The following HDAC8 variants were observed in gnomAD, a reference collection of about 807,000 sequenced individuals.
The protein encoded by HDAC8 is histone deacetylase-like 1.
Under a neutral mutation model 32.2 loss-of-function variants are expected in HDAC8, and 1 was observed. The observed-to-expected ratio is 0.03, with a 90% CI of 0.01 to 0.15. HDAC8 has a LOEUF of 0.15. HDAC8 is among the 10% of genes least tolerant of loss of function. The pLI is 1.00. For missense variants in HDAC8, 117 were observed against 300.0 expected (o/e 0.39, Z 4.51); for synonymous variants, 108 against 113.9 (o/e 0.95, Z 0.33).
At chrX:72,509,521 A>G (rs1022996635) in intron 4 of HDAC8, among the ~76,000 whole-genome samples, 2 of 112,214 alleles carry the variant, frequency 1.8e-5, no homozygotes. Flanking sequence ...AAAATATGAT[A>G]TACACATAAA....
At chrX:72,434,856 A>G (rs1555978619) in intron 9 of HDAC8, among the ~76,000 whole-genome samples, 1 of 112,363 alleles carries the variant, frequency 8.9e-6, no homozygotes. Flanking sequence ...TATGGGTGAG[A>G]AAACTGAGGG....
chrX:72,494,865 G>A (rs1424892585), intron 5 of HDAC8, among the ~76,000 whole-genome samples: 1 of 111,285 alleles, frequency 9.0e-6, no homozygotes, highest in Non-Finnish European at 1.9e-5. Flanking sequence ...ACCTGAGGGA[G>A]GTTACTGAGC....
chrX:72,404,023 T>C (rs1308642953), intron 9 of HDAC8, among the ~76,000 whole-genome samples: 5 of 112,094 alleles, frequency 4.5e-5, no homozygotes, highest in African/African-American at 1.6e-4. Context: ...AATTGTTTAA[T>C]GAATAAAATA....
At chrX:72,390,597 A>G (rs782126467) in intron 9 of HDAC8, among the ~76,000 whole-genome samples, 1 of 112,088 alleles carries the variant, frequency 8.9e-6, no homozygotes, top group African/African-American at 3.2e-5. Flanking sequence ...AGAGGATGAA[A>G]GACATTACAT....
chrX:72,394,123 T>A (rs1273335614), intron 9 of HDAC8, among the ~76,000 whole-genome samples: 8 of 111,918 alleles, frequency 7.1e-5, no homozygotes, highest in African/African-American at 2.6e-4. Context: ...AAAGGCTATA[T>A]AAACACAAGG....
rs150915615 is a variant in HDAC8 at position 72,413,963 on chromosome X, T to C, written c.1005+48041A>G. Among the ~76,000 whole-genome samples the C allele has an allele frequency of 4.2e-3, 470 of 112,002 alleles. 3 individuals are homozygous for C. Among genetic ancestry groups the C allele is most frequent in the African/African-American group, 0.014 (444 of 30,823 alleles). On this transcript the variant is annotated intron_variant, in intron 9 of 10. Transcript: ENST00000373573. ...GCTTTATAAGTCAGTCTCTGTGACATTGGAAGCATGGATTCATCCCCCAGA... is the reference window on the plus strand; with the variant it reads ...GCTTTATAAGTCAGTCTCTGTGACACTGGAAGCATGGATTCATCCCCCAGA...
chrX:72,493,017 G>T (rs1045458729), intron 5 of HDAC8, among the ~76,000 whole-genome samples: 1 of 111,665 alleles, frequency 9.0e-6, no homozygotes, highest in Non-Finnish European at 1.9e-5. Context: ...TGAATAATAC[G>T]GGACTTGAGA....
At chrX:72,456,654 C>T (rs1273316333) in intron 9 of HDAC8, among the ~76,000 whole-genome samples, 1 of 110,548 alleles carries the variant, frequency 9.0e-6, no homozygotes, top group East Asian at 2.8e-4. Context: ...CAAAAATTAG[C>T]CGGGTGTGGT....
chrX:72,378,531 A>T lies in HDAC8; in HGVS notation c.1006-26693T>A, dbSNP rs182211297. ...AGCTAAATAAACCTCTTATTTATAA[A>T]TTACCCAGCCTGAGGTATTCTGTTA... On this transcript the variant is annotated intron_variant, in intron 9 of 10. Transcript: ENST00000373573. 5.4e-5 allele frequency among the ~76,000 whole-genome samples: 6 copies of T among 111,688 alleles called. No individual in the cohort carries two copies. In the East Asian group the frequency reaches 1.7e-3, roughly 31 times the overall value.
At chrX:72,360,351 T>TC (rs1422166177) in intron 9 of HDAC8, among the ~76,000 whole-genome samples, 1 of 104,925 alleles carries the variant, frequency 9.5e-6, no homozygotes, top group African/African-American at 3.9e-5. Flanking sequence ...CGAGACTCCG[T>TC]CAAAAAAAAA....
At chrX:72,373,225 C>CT (rs1555957013) in intron 9 of HDAC8, among the ~76,000 whole-genome samples, 3 of 111,826 alleles carry the variant, frequency 2.7e-5, no homozygotes, top group African/African-American at 9.8e-5. Flanking sequence ...GTCCCTCCGC[C>CT]TTTTTTTTCC....
At chrX:72,393,398 T>C (rs1490764015) in intron 9 of HDAC8, among the ~76,000 whole-genome samples, 2 of 112,131 alleles carry the variant, frequency 1.8e-5, no homozygotes, top group Non-Finnish European at 3.8e-5. Context: ...GTGTTACTGA[T>C]AGCGTGAACA....
intron 10 of HDAC8, among the ~76,000 whole-genome samples, chrX:72,350,742 C>T (rs1016659651): frequency 2.7e-5 from 3 of 112,259 alleles, no homozygotes; most frequent in East Asian, 2.8e-4. Flanking sequence ...TCAGAGGGGG[C>T]GCTACTAGAA....
chrX:72,496,972 T>C (rs942120895), intron 4 of HDAC8, among the ~76,000 whole-genome samples: 6 of 111,741 alleles, frequency 5.4e-5, no homozygotes, highest in African/African-American at 1.9e-4. Context: ...CTCCACCCTT[T>C]TGCGTTACGA....
intron 2 of HDAC8, among the ~76,000 whole-genome samples, chrX:72,570,606 C>CA (rs200815195): frequency 0.16 from 7,825 of 48,018 alleles, 925 homozygotes; most frequent in East Asian, 0.7. Flanking sequence ...AAGACTCCAT[C>CA]AAAAAAAAAA....
At chrX:72,548,112 A>C (rs2050921769) in intron 4 of HDAC8, among the ~76,000 whole-genome samples, 1 of 111,909 alleles carries the variant, frequency 8.9e-6, no homozygotes, top group Non-Finnish European at 1.9e-5. Flanking sequence ...CTATAACTGC[A>C]ATCAGAGTTA....
chrX:72,553,305 A>G (rs1293722831), intron 4 of HDAC8, among the ~76,000 whole-genome samples: 1 of 111,459 alleles, frequency 9.0e-6, no homozygotes, highest in African/African-American at 3.3e-5. Context: ...CGGTCTCCCA[A>G]AGTGCTGGGA....
At chrX:72,445,542 T>C (rs1440539985) in intron 9 of HDAC8, among the ~76,000 whole-genome samples, 1 of 111,899 alleles carries the variant, frequency 8.9e-6, no homozygotes, top group Non-Finnish European at 1.9e-5. Flanking sequence ...TCAAGATGGA[T>C]TAAAGACTTA....
At chrX:72,474,017 A>G in intron 7 of HDAC8, 1 of 620,944 alleles carries the variant, frequency 1.6e-6, no homozygotes, top group African/African-American at 2.4e-5. Context: ...CCCAACTTTG[A>G]TCTTGCTGTA....
Sources: allele counts gnomAD v4.1 joint callset (sites outside exome capture counted in the v4.1 genomes callset), GRCh38; gene constraint gnomAD v4.1.1; transcripts MANE v1.5; gene names NCBI Gene and HGNC (gene_info 2026-07-23, HGNC 2026-07-21).